Variants in RNF157 observed in about 807,000 individuals in gnomAD.
The protein encoded by RNF157 is E3 ubiquitin ligase RNF157.
In RNF157, 55 loss-of-function variants were observed where a neutral mutation model predicts 88.3. That is an observed-to-expected ratio of 0.62 (90% CI 0.50 to 0.78). The LOEUF is 0.78. Among genes scored for constraint, RNF157 ranks in the 30% least tolerant of loss-of-function variants. The pLI is 0.00. For missense variants in RNF157, 788 were observed against 860.8 expected (o/e 0.92, Z 1.06); for synonymous variants, 334 against 341.2 (o/e 0.98, Z 0.23).
In RNF157 at chr17:76,166,467, C is replaced by T. The variant is rs11539879; in HGVS notation, c.622G>A (p.Gly208Arg). Residue 208 changes from glycine to arginine, a missense_variant, in exon 6 of 19, where the codon GGA (glycine) becomes AGA (arginine). Physicochemically the swap from Gly to Arg is moderately radical, Grantham distance 125. Coordinates refer to ENST00000269391, the MANE Select transcript of RNF157 (RefSeq NM_052916.3). Reference protein sequence around the residue: ...PLVVHAVVDEGDEYFGHCHVL... With the variant: ...PLVVHAVVDERDEYFGHCHVL... ...GGACAGAAATCGCCCCTACCGTCTCCTTCATCCACCACGGCATGTACCACT... is the reference window on the plus strand; with the variant it reads ...GGACAGAAATCGCCCCTACCGTCTCTTTCATCCACCACGGCATGTACCACT... The T allele has an allele frequency of 0.048, 77,672 of 1,613,424 alleles. 2,169 individuals carry two copies. The highest frequency in any genetic ancestry group is 0.057 in the Non-Finnish European group (66,873 of 1,179,392).
At chr17:76,221,256 A>G (rs1457709429) in intron 1 of RNF157, among the ~76,000 whole-genome samples, 1 of 152,188 alleles carries the variant, frequency 6.6e-6, no homozygotes, top group East Asian at 1.9e-4. Flanking sequence ...TCTCCCCCAC[A>G]AAAAAGACAA....
chr17:76,155,017 C>CA (rs1292718694), intron 16 of RNF157, among the ~76,000 whole-genome samples: 1 of 152,252 alleles, frequency 6.6e-6, no homozygotes, highest in Non-Finnish European at 1.5e-5. Flanking sequence ...CTCTTGAACT[C>CA]ACTCCACACC....
At chr17:76,162,035 A>G in intron 9 of RNF157, 33 bp from the exon 10 acceptor site, 1 of 1,604,702 alleles carries the variant, frequency 6.2e-7, no homozygotes, top group Non-Finnish European at 8.5e-7. Flanking sequence ...AGCCAATGGC[A>G]CAAAGCCCTT....
intron 2 of RNF157, among the ~76,000 whole-genome samples, chr17:76,205,756 T>A (rs2069671156): frequency 6.9e-6 from 1 of 144,746 alleles, no homozygotes; most frequent in Non-Finnish European, 1.5e-5. Context: ...AATAAATAAA[T>A]AAATAAAATA....
chr17:76,207,891 G>A (rs562586471), intron 2 of RNF157, among the ~76,000 whole-genome samples: 11 of 152,234 alleles, frequency 7.2e-5, no homozygotes, highest in East Asian at 1.9e-4. Flanking sequence ...CTGAAGAGGC[G>A]CTCCAAGAGA....
intron 2 of RNF157, among the ~76,000 whole-genome samples, chr17:76,191,855 C>T (rs1414019299): frequency 6.6e-6 from 1 of 151,984 alleles, no homozygotes; most frequent in Non-Finnish European, 1.5e-5. Flanking sequence ...TTTGATTGGC[C>T]GGGAAAGACC....
intron 8 of RNF157, 192 bp downstream of exon 8, chr17:76,164,556 T>G: frequency 1.4e-3 from 467 of 330,210 alleles, no homozygotes; most frequent in East Asian, 1.8e-3. Context: ...CCCAAGTCGT[T>G]TGTAATAGCT....
Position 76,176,220 on chromosome 17 carries a change from A to G in RNF157, c.208-2430T>C, listed in dbSNP as rs2069100313. 6.6e-6 allele frequency among the ~76,000 whole-genome samples: 1 copy of G among 152,216 alleles called. No homozygotes were observed. Among genetic ancestry groups the G allele is most frequent in the Non-Finnish European group, 1.5e-5 (1 of 68,044 alleles). ...TAAGGCAGCTGACATAGTAATTGTA[A>G]TATCAAAGAGATTAAATATATGGAT... On this transcript the variant is annotated intron_variant, in intron 2 of 18. Coordinates refer to ENST00000269391, the MANE Select transcript of RNF157 (RefSeq NM_052916.3). This position sits in a 1 kb window ranked among gnomAD's most constrained non-coding sequence, Gnocchi z 4.2.
rs528975500 is a variant in RNF157 at position 76,168,338 on chromosome 17, A to G, written c.297-541T>C. 2.0e-5 allele frequency among the ~76,000 whole-genome samples: 3 copies of G among 152,106 alleles called. No individual in the cohort carries two copies. In the East Asian group the frequency reaches 5.8e-4, roughly 29 times the overall value. On this transcript the variant is annotated intron_variant, in intron 3 of 18. Transcript: ENST00000269391. ...CATGATTTTATTATAATAGTCCAGT[A>G]CATTTGTGTCTGTATTACTGTGATT...
chr17:76,232,396 A>C (rs2070208782), intron 1 of RNF157, among the ~76,000 whole-genome samples: 1 of 152,116 alleles, frequency 6.6e-6, no homozygotes, highest in South Asian at 2.1e-4. Context: ...CTCTAAAAAA[A>C]AAAAGCAAAG....
chr17:76,167,695 G>A lies in RNF157; in HGVS notation c.399C>T (p.Thr133=), dbSNP rs762029318. ...ACTCTTCCGTGGCCTGGTAATAGAT[G>A]GTGATGGCTACCCGAGCATCTGTGT... The part of the protein sequence containing the change: ...TFDTDARVAI[T]IYYQATEEFQ... Residue 133 remains threonine, a synonymous_variant, in exon 4 of 19, where the codon ACC becomes ACT. Coordinates refer to ENST00000269391, the MANE Select transcript of RNF157 (RefSeq NM_052916.3). 2 of 1,614,210 alleles carry A rather than the reference G, an allele frequency of 1.2e-6. No individual in the cohort carries two copies. Among genetic ancestry groups the A allele is most frequent in the South Asian group, 2.2e-5 (2 of 91,086 alleles).
At chr17:76,167,591 T>C (rs1480135426) in intron 4 of RNF157, 60 bp downstream of exon 4, 2 of 1,606,244 alleles carry the variant, frequency 1.2e-6, no homozygotes, top group African/African-American at 2.7e-5. Context: ...ATTCTGGAAC[T>C]CTTCCGTGGC....
At position 76,161,639 on chromosome 17, in the gene RNF157, C is replaced by T; in HGVS notation, c.961G>A (p.Ala321Thr). ...NCPICRLPFR[A>T]LLQIRAMRKK... ...CTCATGGCTCGGATCTGAAGCAGTG[C>T]CCGGAAGGCTGTGAAGGAGAAAACA... Residue 321 changes from alanine (A) to threonine (T), a missense_variant, in exon 11 of 19, where the codon GCA (alanine) becomes ACA (threonine). By Grantham distance (58) the Ala-to-Thr change is moderately conservative (BLOSUM62 0). Transcript: ENST00000269391. The surrounding 1 kb of genome is among the most constrained non-coding windows in gnomAD (Gnocchi z 4.6). The T allele has an allele frequency of 1.9e-6, 3 of 1,613,598 alleles. No individual in the cohort carries two copies. The highest frequency in any genetic ancestry group is 2.7e-5 in the African/African-American group (2 of 74,956).
In RNF157 at chr17:76,161,418, C is replaced by T. The variant is rs1868887106; in HGVS notation, c.1065+117G>A. 1 of 808,810 alleles carries T rather than the reference C, an allele frequency of 1.2e-6. No individual in the cohort carries two copies. 50.1% of individuals were successfully genotyped at this position (808,810 alleles called of 1,614,324 possible). ...ATGCTCTCAGCCGGCTTGCTAAATA[C>T]TGCAGCATGCCCTGGTCTAATTCCT... On this transcript the variant is annotated intron_variant, in intron 11 of 18. Transcript: ENST00000269391. This position sits in a 1 kb window ranked among gnomAD's most constrained non-coding sequence, Gnocchi z 4.6.
At chr17:76,177,407 C>T (rs919189031) in intron 2 of RNF157, among the ~76,000 whole-genome samples, 7 of 151,118 alleles carry the variant, frequency 4.6e-5, no homozygotes, top group Admixed American at 2.0e-4. Context: ...TGGGGCCAAG[C>T]CAAGGTGCTG....
At chr17:76,145,631 C>T (rs2068573655) in intron 18 of RNF157, 1 of 388,034 alleles carries the variant, frequency 2.6e-6, no homozygotes, top group Admixed American at 4.6e-5. Context: ...GTTTTGCGAA[C>T]TTACCCTGGG....
chr17:76,220,974 T>A (rs2069973439), intron 1 of RNF157, among the ~76,000 whole-genome samples: 1 of 150,284 alleles, frequency 6.7e-6, no homozygotes. Context: ...AAAAAAAAAA[T>A]TAGCCGGCTT....
chr17:76,167,520 G>A, intron 4 of RNF157, 131 bp downstream of exon 4: 1 of 1,320,224 alleles, frequency 7.6e-7, no homozygotes, highest in African/African-American at 1.5e-5. Flanking sequence ...ATAAGACATG[G>A]ACTCTCCCTA....
At chr17:76,174,834 C>G (rs1253715980) in intron 2 of RNF157, among the ~76,000 whole-genome samples, 1 of 152,204 alleles carries the variant, frequency 6.6e-6, no homozygotes, top group East Asian at 1.9e-4. Context: ...ATGAATGTGA[C>G]TCTTACATTC....
Sources: gnomAD v4.1 joint callset for allele counts (sites outside exome capture counted in the v4.1 genomes callset) on GRCh38, gnomAD v4.1.1 for gene constraint, Gnocchi (gnomAD v3.1) non-coding constraint, MANE v1.5 for transcripts, NCBI Gene and HGNC (gene_info 2026-07-23, HGNC 2026-07-21) for gene names.